DNAH3: variants seen among roughly 807,000 people sequenced by gnomAD.
DNAH3 encodes the protein dynein axonemal heavy chain 3.
A neutral mutation model predicts 432.5 loss-of-function variants in DNAH3; 332 were observed. The ratio of observed to expected loss-of-function variants is 0.77; its 90% CI spans 0.70 to 0.84. The LOEUF (loss-of-function observed/expected upper bound fraction) is 0.84. Among genes scored for constraint, DNAH3 ranks in the 40% least tolerant of loss-of-function variants. The pLI, the probability that DNAH3 is intolerant of heterozygous loss-of-function variation, is 0.00. For missense variants in DNAH3, 4,861 were observed against 5,114.0 expected, an observed-to-expected ratio of 0.95 and a Z score of 1.51; for synonymous variants, 1,956 against 1,900.2, an observed-to-expected ratio of 1.03 and a Z score of -0.76.
rs182097715 is a variant in DNAH3 at position 20,956,478 on chromosome 16, C to G, written c.10827-1421G>C. Among the ~76,000 whole-genome samples the G allele has an allele frequency of 2.8e-3, 421 of 152,266 alleles. 1 individual carries two copies. Among genetic ancestry groups the G allele is most frequent in the African/African-American group, 9.8e-3 (408 of 41,552 alleles). On this transcript the variant is annotated intron_variant, in intron 54 of 61. Transcript: ENST00000261383. ...GTGGAACGTGGACTATTTCTTGTAT[C>G]CAGCCCTCTTCACTCATTTATGTTA...
At chr16:20,942,711 G>A (rs1217090040) in intron 58 of DNAH3, among the ~76,000 whole-genome samples, 1 of 152,158 alleles carries the variant, frequency 6.6e-6, no homozygotes, top group Non-Finnish European at 1.5e-5. Context: ...AAGCCTGGAA[G>A]CCGGTCACTT....
Position 20,967,997 on chromosome 16 carries a change from G to C in DNAH3, c.8458+1795C>G, listed in dbSNP as rs139427785. Among the ~76,000 whole-genome samples, 11 of 152,246 alleles carry C rather than the reference G, an allele frequency of 7.2e-5. No homozygotes were observed. In the East Asian group the frequency reaches 2.1e-3, roughly 29 times the overall value. Reference sequence around the variant, plus strand: ...TTTGCCTCTGCTTTATGTGAGTTTAGGCCTGACACCCGCCAGAGAAGAGGG... The same window carrying C: ...TTTGCCTCTGCTTTATGTGAGTTTACGCCTGACACCCGCCAGAGAAGAGGG... On this transcript the variant is annotated intron_variant, in intron 52 of 61. Coordinates refer to ENST00000261383, the Ensembl canonical transcript of DNAH3.
chr16:20,975,393 A>G (rs752694702), exon 51 of DNAH3: 1 of 1,614,160 alleles, frequency 6.2e-7, no homozygotes, highest in Non-Finnish European at 8.5e-7. Context: ...AAGAGCTGTC[A>G]GTTCTCTTTG....
At chr16:20,955,176 C>A in intron 54 of DNAH3, 119 bp from the exon 55 acceptor site, 1 of 950,782 alleles carries the variant, frequency 1.1e-6, no homozygotes, top group Non-Finnish European at 1.5e-6. Flanking sequence ...ATGGTAAAAC[C>A]CCATCTCTAT....
chr16:21,138,679 A>C (rs1267478286), intron 5 of DNAH3, among the ~76,000 whole-genome samples: 1 of 152,086 alleles, frequency 6.6e-6, no homozygotes, highest in Non-Finnish European at 1.5e-5. Context: ...GCATGGTGGC[A>C]GTTGCCTGTA....
intron 56 of DNAH3, among the ~76,000 whole-genome samples, chr16:20,950,600 A>T (rs760265471): frequency 5.9e-5 from 9 of 152,208 alleles, no homozygotes; most frequent in Non-Finnish European, 1.3e-4. Context: ...ACAGGTATAC[A>T]GTGTCTGCCA....
chr16:21,111,538 A>T, intron 14 of DNAH3, 88 bp downstream of exon 14: 2 of 1,306,066 alleles, frequency 1.5e-6, no homozygotes, highest in Non-Finnish European at 1.1e-6. Context: ...TAATCTGTTC[A>T]TTGCTGGAAG....
At chr16:21,123,987 T>A (rs1055890901) in intron 9 of DNAH3, among the ~76,000 whole-genome samples, 1 of 137,996 alleles carries the variant, frequency 7.2e-6, no homozygotes, top group African/African-American at 2.8e-5. Flanking sequence ...GAGATAGGGT[T>A]TCACCAGTCG....
intron 56 of DNAH3, among the ~76,000 whole-genome samples, chr16:20,949,383 T>G (rs1481888068): frequency 6.6e-6 from 1 of 151,560 alleles, no homozygotes; most frequent in Non-Finnish European, 1.5e-5. Flanking sequence ...AAAAAGACAT[T>G]TAAAGAGCGA....
At chr16:20,970,014 G>A in intron 51 of DNAH3, 24 bp from the exon 52 acceptor site, 1 of 1,611,226 alleles carries the variant, frequency 6.2e-7, no homozygotes, top group Non-Finnish European at 8.5e-7. Flanking sequence ...GAGGACAAAG[G>A]AGATGAGTGC....
chr16:21,134,223 G>T (rs1340907856), intron 7 of DNAH3, 36 bp downstream of exon 8: 2 of 1,589,600 alleles, frequency 1.3e-6, no homozygotes, highest in African/African-American at 1.4e-5. Flanking sequence ...ATGTGGTCAA[G>T]AAAGGGAATG....
At chr16:21,057,955 C>G (rs1469283294) in intron 27 of DNAH3, 131 bp downstream of exon 27, 3 of 670,466 alleles carry the variant, frequency 4.5e-6, no homozygotes, top group African/African-American at 1.8e-5. Context: ...TCATGGGAAC[C>G]CTGATGTCTG....
At chr16:21,133,230 T>G (rs2092594065) in intron 7 of DNAH3, among the ~76,000 whole-genome samples, 1 of 151,702 alleles carries the variant, frequency 6.6e-6, no homozygotes, top group African/African-American at 2.4e-5. Flanking sequence ...GGTGTGGGTC[T>G]GTGGTCCCAA....
chr16:21,112,034 C>T (rs2092087665), exon 13 of DNAH3: 1 of 1,613,826 alleles, frequency 6.2e-7, no homozygotes, highest in Non-Finnish European at 8.5e-7. Flanking sequence ...TTCAGGAACG[C>T]AGCGATGTTT....
chr16:21,065,757 TC>T (rs1431538292), intron 24 of DNAH3, among the ~76,000 whole-genome samples: 50 of 152,180 alleles, frequency 3.3e-4, no homozygotes, highest in Admixed American at 8.5e-4. Flanking sequence ...CAAAGAACAT[TC>T]CTATCATTGC....
intron 14 of DNAH3, among the ~76,000 whole-genome samples, chr16:21,109,265 T>C (rs905938324): frequency 1.3e-5 from 2 of 151,880 alleles, no homozygotes; most frequent in Non-Finnish European, 2.9e-5. Flanking sequence ...CACATGGACT[T>C]TGAGGTCAAA....
intron 25 of DNAH3, 60 bp downstream of exon 25, chr16:21,062,422 T>A: frequency 1.4e-6 from 2 of 1,441,946 alleles, no homozygotes; most frequent in Non-Finnish European, 9.7e-7. Context: ...GCTTAGCCAA[T>A]ACGCTCTCTG....
At chr16:20,944,431 T>C (rs1297910746) in intron 58 of DNAH3, 65 bp downstream of exon 58, 12 of 1,577,558 alleles carry the variant, frequency 7.6e-6, no homozygotes, top group Middle Eastern at 1.8e-4. Flanking sequence ...TCCAATCCTG[T>C]GTGCCCACTG....
intron 28 of DNAH3, among the ~76,000 whole-genome samples, chr16:21,053,430 A>T (rs1179749232): frequency 6.6e-6 from 1 of 152,144 alleles, no homozygotes; most frequent in Non-Finnish European, 1.5e-5. Context: ...CCTTCGCTAT[A>T]CAGTGTGTGT....
Sources: gnomAD v4.1 joint callset for allele counts (sites outside exome capture counted in the v4.1 genomes callset) on GRCh38, gnomAD v4.1.1 for gene constraint, MANE v1.5 for transcripts, NCBI Gene and HGNC (gene_info 2026-07-23, HGNC 2026-07-21) for gene names.